The following CDK5RAP2 variants were observed in gnomAD, a reference collection of about 807,000 sequenced individuals.
CDK5RAP2 encodes CDK5 regulatory subunit associated protein 2, also known as CDK5 regulatory subunit-associated protein 2.
In CDK5RAP2, 147 loss-of-function variants were observed where a neutral mutation model predicts 232.9. The ratio of observed to expected loss-of-function variants is 0.63; its 90% CI spans 0.55 to 0.72. CDK5RAP2 has a LOEUF of 0.72. Ranked by LOEUF, CDK5RAP2 falls within the 30% of genes least tolerant of loss-of-function variation. The probability of loss-of-function intolerance (pLI) is 0.00; values close to 1 mark genes in which losing one functional copy is unlikely to be tolerated. For missense variants in CDK5RAP2, 2,195 were observed against 2,231.5 expected (o/e 0.98, Z 0.33); for synonymous variants, 833 against 833.7 (o/e 1.00, Z 0.01).
chr9:120,504,139 ATAAAAT>A lies in CDK5RAP2; in HGVS notation c.1312-12668_1312-12663del, dbSNP rs199611347. On this transcript the variant is annotated intron_variant, in intron 12 of 37. Coordinates refer to ENST00000349780, the MANE Select transcript of CDK5RAP2 (RefSeq NM_018249.6). ...TTCATATCCAGATAAGTGCTTTCTG[ATAAAAT>A]TAAGGGTTTGGGGTAGTTGATGTTG... Among the ~76,000 whole-genome samples, 582 of 152,258 alleles carry A rather than the reference ATAAAAT, an allele frequency of 3.8e-3. 16 individuals carry two copies. Among genetic ancestry groups the A allele is most frequent in the Admixed American group, 0.033 (498 of 15,286 alleles).
intron 12 of CDK5RAP2, among the ~76,000 whole-genome samples, chr9:120,514,717 C>A (rs971823739): frequency 6.6e-6 from 1 of 152,174 alleles, no homozygotes; most frequent in Non-Finnish European, 1.5e-5. Flanking sequence ...TAGGTTTCTA[C>A]CACTCACAAG....
intron 35 of CDK5RAP2, among the ~76,000 whole-genome samples, chr9:120,398,411 T>C (rs1019115684): frequency 4.6e-5 from 7 of 152,196 alleles, no homozygotes; most frequent in African/African-American, 1.7e-4. Context: ...GAGTTTAAAT[T>C]TTTTTCTTGC....
Position 120,459,860 on chromosome 9 carries a change from A to G in CDK5RAP2, c.2202+712T>C, listed in dbSNP as rs144444426. 6.9e-3 allele frequency among the ~76,000 whole-genome samples: 1,048 copies of G among 152,334 alleles called. 10 individuals carry two copies. The highest frequency in any genetic ancestry group is 0.023 in the African/African-American group (964 of 41,566). ...CACAAACTTGAACACCCTGAAGGCCAAAAATGCCAAATCTGTAGCATCTTA... is the reference window on the plus strand; with the variant it reads ...CACAAACTTGAACACCCTGAAGGCCGAAAATGCCAAATCTGTAGCATCTTA... On this transcript the variant is annotated intron_variant, in intron 19 of 37. Transcript: ENST00000349780.
At chr9:120,502,733 T>C (rs1269736041) in intron 12 of CDK5RAP2, among the ~76,000 whole-genome samples, 1 of 152,200 alleles carries the variant, frequency 6.6e-6, no homozygotes, top group African/African-American at 2.4e-5. Flanking sequence ...GGGCCAGGGA[T>C]CCTATGCAAA....
At chr9:120,514,920 A>C (rs1361625228) in intron 12 of CDK5RAP2, among the ~76,000 whole-genome samples, 2 of 152,332 alleles carry the variant, frequency 1.3e-5, no homozygotes, top group East Asian at 3.9e-4. Context: ...TGAAACCAAC[A>C]AATAATGTCT....
intron 1 of CDK5RAP2, among the ~76,000 whole-genome samples, 199 bp downstream of exon 1, chr9:120,579,721 T>C (rs538044687): frequency 9.8e-5 from 15 of 152,324 alleles, no homozygotes; most frequent in African/African-American, 2.6e-4. Context: ...CTACTGGCAA[T>C]TGTGGTGCAG....
intron 13 of CDK5RAP2, among the ~76,000 whole-genome samples, chr9:120,490,234 G>A (rs990986911): frequency 1.3e-5 from 2 of 152,250 alleles, no homozygotes; most frequent in Non-Finnish European, 1.5e-5. Context: ...TCACAGTGAG[G>A]TGCGCAGGTA....
At chr9:120,423,635 T>C (rs2034703626) in intron 25 of CDK5RAP2, among the ~76,000 whole-genome samples, 1 of 152,202 alleles carries the variant, frequency 6.6e-6, no homozygotes, top group Non-Finnish European at 1.5e-5. Context: ...ATTTTAAAAA[T>C]ACTTCAGAAC....
intron 14 of CDK5RAP2, among the ~76,000 whole-genome samples, chr9:120,480,703 G>A (rs2038255315): frequency 6.6e-6 from 1 of 152,248 alleles, no homozygotes; most frequent in South Asian, 2.1e-4. Flanking sequence ...ATTGCCAAAA[G>A]GATGCAGAGG....
At chr9:120,397,542 C>CT (rs2032589718) in intron 35 of CDK5RAP2, among the ~76,000 whole-genome samples, 4 of 34,006 alleles carry the variant, frequency 1.2e-4, no homozygotes, top group African/African-American at 4.2e-4. Flanking sequence ...TAAAAACATT[C>CT]TTAAAAAAAA....
intron 3 of CDK5RAP2, among the ~76,000 whole-genome samples, chr9:120,556,145 T>C (rs764465597): frequency 1.1e-4 from 16 of 152,274 alleles, no homozygotes; most frequent in Non-Finnish European, 2.1e-4. Context: ...TGCACACACA[T>C]ATAAAAAACT....
intron 27 of CDK5RAP2, among the ~76,000 whole-genome samples, chr9:120,417,254 A>G (rs989601193): frequency 6.8e-6 from 1 of 147,686 alleles, no homozygotes; most frequent in Non-Finnish European, 1.5e-5. Context: ...TGCGCTCCTT[A>G]AACTCTAGGT....
At chr9:120,444,366 C>T (rs1412812127) in intron 22 of CDK5RAP2, among the ~76,000 whole-genome samples, 3 of 152,218 alleles carry the variant, frequency 2.0e-5, no homozygotes, top group Non-Finnish European at 4.4e-5. Context: ...CATGAAGGTC[C>T]CCACAACCCT....
At chr9:120,518,100 CAG>C (rs1269847121) in intron 12 of CDK5RAP2, among the ~76,000 whole-genome samples, 2 of 149,662 alleles carry the variant, frequency 1.3e-5, no homozygotes, top group African/African-American at 2.5e-5. Flanking sequence ...GGCAACAAAC[CAG>C]AGAGAGAACA....
In CDK5RAP2 at chr9:120,498,230, G is replaced by A. The variant is rs141286672; in HGVS notation, c.1312-6753C>T. 2.8e-4 allele frequency among the ~76,000 whole-genome samples: 43 copies of A among 152,244 alleles called. No individual in the cohort carries two copies. In the East Asian group the frequency reaches 7.9e-3, roughly 28 times the overall value. ...GGCCTTCCCAGCCTCCATACTTAGC[G>A]ATGGCCCCCTAGTGCCACTTTCTCT... On this transcript the variant is annotated intron_variant, in intron 12 of 37. Coordinates refer to ENST00000349780, the MANE Select transcript of CDK5RAP2 (RefSeq NM_018249.6).
chr9:120,576,968 C>T (rs1207709217), intron 1 of CDK5RAP2, among the ~76,000 whole-genome samples: 2 of 152,162 alleles, frequency 1.3e-5, no homozygotes, highest in Non-Finnish European at 2.9e-5. Flanking sequence ...TACTACAACA[C>T]GCATGAACCT....
intron 4 of CDK5RAP2, among the ~76,000 whole-genome samples, chr9:120,549,478 G>T (rs185797980): frequency 2.0e-5 from 3 of 152,274 alleles, no homozygotes; most frequent in Non-Finnish European, 2.9e-5. Flanking sequence ...TCAGACAATT[G>T]AAGTGGTATA....
intron 1 of CDK5RAP2, among the ~76,000 whole-genome samples, chr9:120,574,784 T>C (rs1277414392): frequency 6.6e-6 from 1 of 151,360 alleles, no homozygotes; most frequent in Non-Finnish European, 1.5e-5. Flanking sequence ...ATCCTCACTA[T>C]AGTCTTTCTG....
At chr9:120,446,435 A>C (rs1472333315) in intron 22 of CDK5RAP2, among the ~76,000 whole-genome samples, 1 of 152,132 alleles carries the variant, frequency 6.6e-6, no homozygotes, top group Non-Finnish European at 1.5e-5. Context: ...CACGTTGGCC[A>C]AGCTGGTCTC....
Sources: gnomAD v4.1 joint callset for allele counts (sites outside exome capture counted in the v4.1 genomes callset) on GRCh38, gnomAD v4.1.1 for gene constraint, MANE v1.5 for transcripts, NCBI Gene and HGNC (gene_info 2026-07-23, HGNC 2026-07-21) for gene names.